The following CWF19L1 variants were observed in gnomAD, a reference collection of about 807,000 sequenced individuals.
The protein encoded by CWF19L1 is CWF19-like protein 1.
In CWF19L1, 60 loss-of-function variants were observed where a neutral mutation model predicts 69.7. That is an observed-to-expected ratio of 0.86 (90% confidence interval 0.70 to 1.07). The LOEUF (loss-of-function observed/expected upper bound fraction) is 1.07, where lower values mean the gene tolerates loss of function less well. Among genes scored for constraint, CWF19L1 ranks in the 50% least tolerant of loss-of-function variants. The probability of loss-of-function intolerance (pLI) is 0.00; values close to 1 mark genes in which losing one functional copy is unlikely to be tolerated. For missense variants in CWF19L1, 591 were observed against 638.9 expected, an observed-to-expected ratio of 0.92 and a Z score of 0.81; for synonymous variants, 209 against 222.2, an observed-to-expected ratio of 0.94 and a Z score of 0.53.
rs770493827 is a variant in CWF19L1, at chr10:100,250,263, A to G, written c.693T>C (p.Asn231=). 2 of 1,609,172 alleles carry G rather than the reference A, an allele frequency of 1.2e-6. No individual in the cohort carries two copies. Among genetic ancestry groups the G allele is most frequent in the Non-Finnish European group, 1.7e-6 (2 of 1,175,740 alleles). The change falls in exon 7 of 14, where the codon AAT becomes AAC. Residue 231 remains asparagine (N), a synonymous_variant. Coordinates refer to ENST00000354105, the MANE Select transcript of CWF19L1 (RefSeq NM_018294.6). ...AAATCTTTACCTTTTTCTTTTCTGG[A>G]TTTCCAACATTTGCCAGAGCTATAA... ...TRFIALANVG[N]PEKKKYLYAF...
chr10:100,245,949 C>A (rs147228940), intron 8 of CWF19L1, 36 bp from the exon 9 acceptor site: 8 of 1,464,904 alleles, frequency 5.5e-6, no homozygotes, highest in Non-Finnish European at 7.7e-6. Flanking sequence ...AAATGTTATT[C>A]AACTAACCTT....
At chr10:100,245,744 A>G (rs1026231543) in intron 9 of CWF19L1, 55 bp downstream of exon 9, 1 of 1,402,332 alleles carries the variant, frequency 7.1e-7, no homozygotes, top group Non-Finnish European at 1.0e-6. Flanking sequence ...TCCAAAGAAA[A>G]GCCAAAATAA....
intron 10 of CWF19L1, among the ~76,000 whole-genome samples, chr10:100,240,564 G>T (rs1846604377): frequency 1.3e-5 from 2 of 152,178 alleles, no homozygotes; most frequent in South Asian, 4.1e-4. Context: ...TAGATGAGAA[G>T]AAAACAGGTT....
At chr10:100,249,509 A>C (rs1295465837) in intron 7 of CWF19L1, among the ~76,000 whole-genome samples, 1 of 152,172 alleles carries the variant, frequency 6.6e-6, no homozygotes, top group African/African-American at 2.4e-5. Context: ...CAATACAAAG[A>C]TAGATTCCAG....
chr10:100,247,542 G>C (rs1463703561), intron 7 of CWF19L1, among the ~76,000 whole-genome samples: 1 of 152,128 alleles, frequency 6.6e-6, no homozygotes, highest in African/African-American at 2.4e-5. Context: ...TACTGATTAG[G>C]GAAATGCAAC....
chr10:100,233,452 A>C, intron 13 of CWF19L1, 81 bp from the exon 14 acceptor site: 1 of 1,463,044 alleles, frequency 6.8e-7, no homozygotes, highest in South Asian at 1.3e-5. Context: ...AGGTATGCAA[A>C]TTTCTCTGAC....
intron 5 of CWF19L1, among the ~76,000 whole-genome samples, chr10:100,255,102 T>A (rs1847165421): frequency 6.6e-6 from 1 of 152,230 alleles, no homozygotes; most frequent in Non-Finnish European, 1.5e-5. Context: ...CACCCAGTGT[T>A]TTCTGCCCTC....
At chr10:100,267,453 C>T (rs1847639351) in intron 1 of CWF19L1, 118 bp downstream of exon 1, 1 of 1,596,456 alleles carries the variant, frequency 6.3e-7, no homozygotes, top group Non-Finnish European at 8.5e-7. Context: ...CCCAGCAGCC[C>T]CGTGTCTCTC....
chr10:100,263,921 T>C (rs1183010929), intron 1 of CWF19L1, among the ~76,000 whole-genome samples: 2 of 152,214 alleles, frequency 1.3e-5, no homozygotes, highest in Non-Finnish European at 2.9e-5. Context: ...AATTTGATCA[T>C]GCCAAAGCGT....
chr10:100,265,591 GC>G (rs1304995521), intron 1 of CWF19L1, among the ~76,000 whole-genome samples: 1 of 150,172 alleles, frequency 6.7e-6, no homozygotes, highest in Non-Finnish European at 1.5e-5. Context: ...TGCGATCTCG[GC>G]TCACTGCAAC....
At chr10:100,236,070 C>G (rs1364355565) in intron 12 of CWF19L1, among the ~76,000 whole-genome samples, 1 of 151,572 alleles carries the variant, frequency 6.6e-6, no homozygotes, top group Non-Finnish European at 1.5e-5. Flanking sequence ...AGTCAATACC[C>G]AGTGCTCTAG....
intron 10 of CWF19L1, among the ~76,000 whole-genome samples, chr10:100,238,932 CAAAA>C (rs397845145): frequency 2.9e-5 from 2 of 68,568 alleles, no homozygotes; most frequent in Admixed American, 4.4e-4. Flanking sequence ...ACTCCGTCTC[CAAAA>C]AAAAAAAAAA....
At chr10:100,267,079 G>A (rs1847619013) in intron 1 of CWF19L1, among the ~76,000 whole-genome samples, 1 of 146,482 alleles carries the variant, frequency 6.8e-6, no homozygotes, top group Non-Finnish European at 1.5e-5. Context: ...CCGGCACACT[G>A]CAGTTCTTCA....
chr10:100,238,358 C>G (rs776691638), intron 10 of CWF19L1, 127 bp from the exon 11 acceptor site: 48 of 768,720 alleles, frequency 6.2e-5, no homozygotes, highest in Non-Finnish European at 9.5e-5. Flanking sequence ...AATAAAAATT[C>G]TTTCTTGAAA....
intron 2 of CWF19L1, 43 bp from the exon 3 acceptor site, chr10:100,261,087 T>A: frequency 1.6e-6 from 2 of 1,289,210 alleles, no homozygotes; most frequent in Non-Finnish European, 2.2e-6. Flanking sequence ...TTTTAAAATA[T>A]CAAACAGTAC....
At chr10:100,266,415 C>T (rs950483330) in intron 1 of CWF19L1, among the ~76,000 whole-genome samples, 1 of 151,616 alleles carries the variant, frequency 6.6e-6, no homozygotes, top group Non-Finnish European at 1.5e-5. Flanking sequence ...TCTTGAATTC[C>T]TGGACTCAAG....
At chr10:100,237,989 G>A (rs535974973) in intron 11 of CWF19L1, 33 bp downstream of exon 11, 18 of 1,584,740 alleles carry the variant, frequency 1.1e-5, no homozygotes, top group Middle Eastern at 1.7e-4. Flanking sequence ...TCCCCATAGC[G>A]CCCTTCCAAG....
At chr10:100,265,405 C>T (rs1666734335) in intron 1 of CWF19L1, among the ~76,000 whole-genome samples, 2 of 151,568 alleles carry the variant, frequency 1.3e-5, no homozygotes, top group Admixed American at 1.3e-4. Flanking sequence ...CATTCACTCA[C>T]CTCTTACTAA....
intron 3 of CWF19L1, 45 bp from the exon 4 acceptor site, chr10:100,260,364 CT>C: frequency 1.8e-6 from 2 of 1,086,978 alleles, no homozygotes; most frequent in Non-Finnish European, 1.4e-6. Flanking sequence ...ACCAGATCTG[CT>C]TTAGAACTTA....
Sources: gnomAD v4.1 joint callset for allele counts (sites outside exome capture counted in the v4.1 genomes callset) on GRCh38, gnomAD v4.1.1 for gene constraint, MANE v1.5 for transcripts, NCBI Gene and HGNC (gene_info 2026-07-23, HGNC 2026-07-21) for gene names.